Variants in TOX observed in about 807,000 individuals in gnomAD.
The protein encoded by TOX is thymocyte selection-associated high mobility group box protein TOX.
In TOX, 11 loss-of-function variants were observed where a neutral mutation model predicts 53.7. The ratio of observed to expected loss-of-function variants is 0.20; its 90% CI spans 0.13 to 0.34. The LOEUF is 0.34. Ranked by LOEUF, TOX falls within the 10% of genes least tolerant of loss-of-function variation. The pLI is 1.00. For missense variants in TOX, 570 were observed against 664.6 expected (o/e 0.86, Z 1.56); for synonymous variants, 225 against 245.3 (o/e 0.92, Z 0.77).
chr8:59,073,194 C>G (rs1345789230), intron 1 of TOX, among the ~76,000 whole-genome samples: 5 of 152,160 alleles, frequency 3.3e-5, no homozygotes, highest in Non-Finnish European at 7.4e-5. Context: ...ACACACAATA[C>G]TTATAACTGA....
chr8:59,048,866 T>C (rs138308416), intron 1 of TOX, among the ~76,000 whole-genome samples: 182 of 152,308 alleles, frequency 1.2e-3, no homozygotes, highest in African/African-American at 3.7e-3. Context: ...ATTTATATCA[T>C]GTAAAACACT....
rs188116459 is a variant in TOX at position 58,815,094 on chromosome 8, C to T, written c.1392+244G>A. On this transcript the variant is annotated intron_variant, in intron 7 of 8. Coordinates refer to ENST00000361421, the MANE Select transcript of TOX (RefSeq NM_014729.3). Reference sequence around the variant, plus strand: ...AAAATGGATATCATGGGAAAGAAACCAGTGATTATGAAAAGAAGTGACTGT... The same window carrying T: ...AAAATGGATATCATGGGAAAGAAACTAGTGATTATGAAAAGAAGTGACTGT... Among the ~76,000 whole-genome samples, 10 of 152,116 alleles carry T rather than the reference C, an allele frequency of 6.6e-5. No homozygotes were observed. The East Asian group carries it at 1.9e-3, about 29-fold the overall frequency.
chr8:59,002,818 C>T (rs1813718923), intron 1 of TOX, among the ~76,000 whole-genome samples: 1 of 152,068 alleles, frequency 6.6e-6, no homozygotes, highest in Non-Finnish European at 1.5e-5. Context: ...AACGTTAAAG[C>T]AGTTTAGTTA....
At chr8:58,989,137 A>G (rs1274247968) in intron 1 of TOX, among the ~76,000 whole-genome samples, 1 of 152,062 alleles carries the variant, frequency 6.6e-6, no homozygotes, top group Non-Finnish European at 1.5e-5. Flanking sequence ...GAACATGGCA[A>G]AACTCTGTCT....
intron 1 of TOX, among the ~76,000 whole-genome samples, chr8:59,083,968 G>A (rs1804461713): frequency 6.6e-6 from 1 of 152,004 alleles, no homozygotes; most frequent in Non-Finnish European, 1.5e-5. Context: ...TGCTCTATGA[G>A]TGTTAATTTT....
intron 1 of TOX, among the ~76,000 whole-genome samples, chr8:58,977,313 C>T (rs1260975937): frequency 6.6e-6 from 1 of 152,224 alleles, no homozygotes; most frequent in Non-Finnish European, 1.5e-5. Context: ...TTTGCAGCTT[C>T]CTCACTTATC....
intron 5 of TOX, among the ~76,000 whole-genome samples, chr8:58,829,027 T>C (rs561572421): frequency 6.6e-6 from 1 of 152,308 alleles, no homozygotes; most frequent in African/African-American, 2.4e-5. Context: ...CAAAGGCAAA[T>C]AGAATGCACT....
chr8:59,079,990 T>C (rs528195949), intron 1 of TOX, among the ~76,000 whole-genome samples: 12 of 151,536 alleles, frequency 7.9e-5, no homozygotes, highest in Non-Finnish European at 1.6e-4. Context: ...CTTTTCTTTT[T>C]TTTTTTTTTT....
chr8:59,069,290 C>A (rs1007668970), intron 1 of TOX, among the ~76,000 whole-genome samples: 12 of 152,154 alleles, frequency 7.9e-5, no homozygotes, highest in Admixed American at 5.9e-4. Context: ...CAATGAGGAT[C>A]CCTCCGTGGA....
At chr8:58,859,995 C>A (rs137907748) in intron 3 of TOX, among the ~76,000 whole-genome samples, 1 of 152,178 alleles carries the variant, frequency 6.6e-6, no homozygotes, top group East Asian at 1.9e-4. Flanking sequence ...AACTCCACTG[C>A]AATTGCTGCC....
At chr8:58,992,158 A>G (rs1471110889) in intron 1 of TOX, 1 of 152,232 alleles carries the variant, frequency 6.6e-6, no homozygotes, top group East Asian at 1.9e-4. Flanking sequence ...AGCAAGACGA[A>G]GGGGAATAAG....
intron 1 of TOX, among the ~76,000 whole-genome samples, chr8:59,107,516 A>G (rs1323468904): frequency 3.9e-5 from 6 of 152,200 alleles, no homozygotes; most frequent in African/African-American, 1.4e-4. Flanking sequence ...AGATGTTGAA[A>G]TATTTGTCTT....
chr8:59,068,943 G>C lies in TOX; in HGVS notation c.102+49943C>G, dbSNP rs1353163962. Among the ~76,000 whole-genome samples, 3 of 152,300 alleles carry C rather than the reference G, an allele frequency of 2.0e-5. No individual in the cohort carries two copies. In the East Asian group the frequency reaches 5.8e-4, roughly 29 times the overall value. On this transcript the variant is annotated intron_variant, in intron 1 of 8. Coordinates refer to ENST00000361421, the MANE Select transcript of TOX (RefSeq NM_014729.3). ...GAGAAGAGTTTGCAAGAGTCAGTCG[G>C]ATGAAGCAGGGAGGGGCATCTGAGT...
intron 3 of TOX, among the ~76,000 whole-genome samples, chr8:58,874,165 T>C (rs1811246082): frequency 6.6e-6 from 1 of 151,712 alleles, no homozygotes; most frequent in Admixed American, 6.6e-5. Flanking sequence ...TTCTAAGTGC[T>C]GGAAGTGTGC....
chr8:59,117,470 G>C lies in TOX; in HGVS notation c.102+1416C>G, dbSNP rs1805122345. Among the ~76,000 whole-genome samples the C allele has an allele frequency of 6.6e-6, 1 of 152,196 alleles. No homozygotes were observed. Among genetic ancestry groups the C allele is most frequent in the African/African-American group, 2.4e-5 (1 of 41,450 alleles). ...CTTGCCTAAACACCATCGGCACACAGCACAGTCCTTTGAGTGGGTCTCACA... is the reference window on the plus strand; with the variant it reads ...CTTGCCTAAACACCATCGGCACACACCACAGTCCTTTGAGTGGGTCTCACA... On this transcript the variant is annotated intron_variant, in intron 1 of 8. Coordinates refer to ENST00000361421, the MANE Select transcript of TOX (RefSeq NM_014729.3). The surrounding 1 kb of genome is among the most constrained non-coding windows in gnomAD (Gnocchi z 4.6).
At chr8:58,909,888 C>T (rs1811882019) in intron 3 of TOX, among the ~76,000 whole-genome samples, 2 of 152,134 alleles carry the variant, frequency 1.3e-5, no homozygotes, top group Non-Finnish European at 1.5e-5. Context: ...GAACTCCTGA[C>T]CTCAGGTGAT....
rs776610931 is a variant in TOX at position 58,815,311 on chromosome 8, C to T, written c.1392+27G>A. 8 of 1,566,396 alleles carry T rather than the reference C, an allele frequency of 5.1e-6. No homozygotes were observed. In the African/African-American group the frequency reaches 5.4e-5, roughly 11 times the overall value. On this transcript the variant is annotated intron_variant, in intron 7 of 8. Transcript: ENST00000361421. ...CCACACTTCAGAATAGGGGTGCACA[C>T]TCTAAGTCCAGAGCCATTGCACTTA...
At chr8:58,930,725 C>T (rs16924251) in intron 3 of TOX, among the ~76,000 whole-genome samples, 1,983 of 152,268 alleles carry the variant, frequency 0.013, 58 homozygotes, top group African/African-American at 0.046. Flanking sequence ...TAACTGCTAT[C>T]CAGAACAGGC....
chr8:59,063,203 G>C lies in TOX; in HGVS notation c.102+55683C>G, dbSNP rs1307803769. 2.6e-5 allele frequency among the ~76,000 whole-genome samples: 4 copies of C among 152,024 alleles called. No homozygotes were observed. The South Asian group carries it at 6.2e-4, about 24-fold the overall frequency. ...TTTGTAAGAATCTCAATCAAACATT[G>C]CAACTACCAATACTGTGCATATGGG... On this transcript the variant is annotated intron_variant, in intron 1 of 8. Transcript: ENST00000361421.
Sources: gnomAD v4.1 joint callset for allele counts (sites outside exome capture counted in the v4.1 genomes callset) on GRCh38, gnomAD v4.1.1 for gene constraint, Gnocchi (gnomAD v3.1) non-coding constraint, MANE v1.5 for transcripts, NCBI Gene and HGNC (gene_info 2026-07-23, HGNC 2026-07-21) for gene names.